Variants in OPCML observed in about 807,000 individuals in gnomAD.
OPCML encodes the protein opioid-binding protein/cell adhesion molecule.
OPCML carries 13 observed loss-of-function variants against 37.8 expected under a neutral mutation model. The observed-to-expected ratio is 0.34, with a 90% CI of 0.22 to 0.55. OPCML has a LOEUF of 0.55. OPCML is among the 20% of genes least tolerant of loss of function. The pLI is 0.91. For synonymous variants in OPCML, 176 were observed against 168.8 expected (o/e 1.04, Z -0.33); for missense variants, 341 against 435.6 (o/e 0.78, Z 1.93).
chr11:133,490,579 C>A (rs986602251), intron 1 of OPCML, among the ~76,000 whole-genome samples: 1 of 152,300 alleles, frequency 6.6e-6, no homozygotes, highest in Middle Eastern at 3.4e-3. Context: ...AAGCCACCTC[C>A]TCTCAACATG....
At position 133,204,909 on chromosome 11, in the gene OPCML, T is replaced by TATATAC. The variant is rs1350609719; in HGVS notation, c.62-261900_62-261899insGTATAT. 3.0e-3 allele frequency among the ~76,000 whole-genome samples: 387 copies of TATATAC among 130,614 alleles called. 2 individuals are homozygous for TATATAC. The highest frequency in any genetic ancestry group is 5.5e-3 in the East Asian group (21 of 3,840). 85.7% of individuals were successfully genotyped at this position (130,614 alleles called of 152,430 possible). ...ATATATATATATATATATATATATA[T>TATATAC]ACATACACATTTAGATATGGTCTTT... is the stretch of plus-strand genomic sequence containing the variant. On this transcript the variant is annotated intron_variant, in intron 1 of 7. Transcript: ENST00000524381.
chr11:133,233,031 G>T (rs1394643605), intron 1 of OPCML, among the ~76,000 whole-genome samples: 2 of 152,064 alleles, frequency 1.3e-5, no homozygotes, highest in Non-Finnish European at 2.9e-5. Context: ...TTGGGGGGTG[G>T]GTCTTCCTCC....
At chr11:133,200,268 C>T (rs758932392) in intron 1 of OPCML, among the ~76,000 whole-genome samples, 6 of 152,196 alleles carry the variant, frequency 3.9e-5, no homozygotes, top group Non-Finnish European at 8.8e-5. Flanking sequence ...GAGATTGGCA[C>T]ACTGATTTCT....
chr11:133,336,598 C>T (rs767518519), intron 1 of OPCML, among the ~76,000 whole-genome samples: 2 of 152,168 alleles, frequency 1.3e-5, no homozygotes, highest in African/African-American at 2.4e-5. Flanking sequence ...GCCTGAAATA[C>T]AATAGAAATT....
chr11:132,933,463 G>A (rs1349843939), intron 2 of OPCML, among the ~76,000 whole-genome samples: 1 of 152,192 alleles, frequency 6.6e-6, no homozygotes, highest in South Asian at 2.1e-4. Flanking sequence ...TATTTAGGGA[G>A]ATATTAGTAT....
chr11:132,801,761 T>C (rs944200723), intron 2 of OPCML, among the ~76,000 whole-genome samples: 1 of 152,204 alleles, frequency 6.6e-6, no homozygotes, highest in Non-Finnish European at 1.5e-5. Flanking sequence ...CAGTCTATTC[T>C]CCGAGCTCTA....
intron 1 of OPCML, among the ~76,000 whole-genome samples, chr11:133,251,033 T>C (rs1237191066): frequency 6.6e-6 from 1 of 152,106 alleles, no homozygotes; most frequent in Non-Finnish European, 1.5e-5. Flanking sequence ...TCATTAGAAA[T>C]CAGAGAAGCC....
intron 1 of OPCML, among the ~76,000 whole-genome samples, chr11:133,522,685 G>A (rs538223016): frequency 1.6e-4 from 24 of 152,248 alleles, no homozygotes; most frequent in Non-Finnish European, 2.5e-4. Flanking sequence ...GATATGACAC[G>A]CGACAGGTGA....
At chr11:132,560,911 T>G (rs2096409229) in intron 3 of OPCML, among the ~76,000 whole-genome samples, 1 of 152,206 alleles carries the variant, frequency 6.6e-6, no homozygotes, top group East Asian at 1.9e-4. Context: ...CAGAAGCTGT[T>G]GCGTTTAATT....
At chr11:133,088,433 T>C (rs1172468954) in intron 1 of OPCML, among the ~76,000 whole-genome samples, 1 of 152,180 alleles carries the variant, frequency 6.6e-6, no homozygotes, top group Non-Finnish European at 1.5e-5. Context: ...GTGAATGCCA[T>C]TCCCTTCAAA....
chr11:132,926,964 C>T (rs1483837309), intron 2 of OPCML, among the ~76,000 whole-genome samples: 1 of 151,972 alleles, frequency 6.6e-6, no homozygotes, highest in African/African-American at 2.4e-5. Flanking sequence ...GCAGAAAAAA[C>T]AATCAGTGAA....
intron 4 of OPCML, among the ~76,000 whole-genome samples, chr11:132,512,808 A>C (rs2096271777): frequency 6.6e-6 from 1 of 151,934 alleles, no homozygotes; most frequent in African/African-American, 2.4e-5. Context: ...CAGAAAACAT[A>C]TCAGTGTTTG....
intron 1 of OPCML, among the ~76,000 whole-genome samples, chr11:133,468,219 G>C (rs1021146879): frequency 2.6e-5 from 4 of 152,180 alleles, no homozygotes; most frequent in Admixed American, 2.0e-4. Flanking sequence ...ACCTCTCCAG[G>C]GTCCCATGGC....
intron 4 of OPCML, among the ~76,000 whole-genome samples, chr11:132,511,711 G>A (rs2096269212): frequency 6.6e-6 from 1 of 152,018 alleles, no homozygotes; most frequent in African/African-American, 2.4e-5. Flanking sequence ...GAAAAAAAAT[G>A]AATCTCAAAT....
At chr11:132,951,298 G>T (rs2136697475) in intron 1 of OPCML, among the ~76,000 whole-genome samples, 1 of 152,300 alleles carries the variant, frequency 6.6e-6, no homozygotes, top group Middle Eastern at 3.4e-3. Flanking sequence ...GGCACAGCCT[G>T]CAAGTCTGAG....
At chr11:133,030,284 G>A (rs746919047) in intron 1 of OPCML, among the ~76,000 whole-genome samples, 5 of 152,128 alleles carry the variant, frequency 3.3e-5, no homozygotes, top group Admixed American at 6.5e-5. Flanking sequence ...ACAATTATAC[G>A]CAAAGGCTTA....
intron 1 of OPCML, among the ~76,000 whole-genome samples, chr11:133,317,928 A>G (rs1397701737): frequency 1.3e-5 from 2 of 152,166 alleles, no homozygotes; most frequent in African/African-American, 4.8e-5. Context: ...TTGCTTGCCT[A>G]TTATTAGGCC....
intron 1 of OPCML, among the ~76,000 whole-genome samples, chr11:133,446,127 A>G (rs932975954): frequency 6.6e-6 from 1 of 152,182 alleles, no homozygotes; most frequent in Non-Finnish European, 1.5e-5. Context: ...GGTCTGTAGG[A>G]GGCCAGGAAG....
chr11:133,377,628 G>C (rs370032378), intron 1 of OPCML, among the ~76,000 whole-genome samples: 1 of 44,784 alleles, frequency 2.2e-5, no homozygotes, highest in Non-Finnish European at 4.5e-5. Context: ...AAAAAAAAAA[G>C]AGCACCAAGT....
Sources: allele counts gnomAD v4.1 joint callset (sites outside exome capture counted in the v4.1 genomes callset), GRCh38; gene constraint gnomAD v4.1.1; transcripts MANE v1.5; gene names NCBI Gene and HGNC (gene_info 2026-07-23, HGNC 2026-07-21).